The following HHAT variants were observed in gnomAD, a reference collection of about 807,000 sequenced individuals.
The protein encoded by HHAT is protein-cysteine N-palmitoyltransferase HHAT.
HHAT carries 47 observed loss-of-function variants against 70.8 expected under a neutral mutation model. The observed-to-expected ratio is 0.66, with a 90% confidence interval of 0.53 to 0.85. The LOEUF (loss-of-function observed/expected upper bound fraction) is 0.85, where lower values mean the gene tolerates loss of function less well. Among genes scored for constraint, HHAT ranks in the 40% least tolerant of loss-of-function variants. The pLI is 0.00. For synonymous variants in HHAT, 228 were observed against 247.6 expected, an observed-to-expected ratio of 0.92 and a Z score of 0.74; for missense variants, 609 against 604.8, an observed-to-expected ratio of 1.01 and a Z score of -0.07.
intron 9 of HHAT, among the ~76,000 whole-genome samples, chr1:210,544,015 C>A (rs1403151598): frequency 6.6e-6 from 1 of 152,212 alleles, no homozygotes; most frequent in Non-Finnish European, 1.5e-5. Context: ...TTGCAGGTGG[C>A]CTGTGAGCTG....
chr1:210,609,922 G>A (rs185414104), intron 10 of HHAT, among the ~76,000 whole-genome samples: 16 of 152,188 alleles, frequency 1.1e-4, no homozygotes, highest in South Asian at 4.1e-4. Context: ...ATTGATGGGC[G>A]TTTAGATTGA....
chr1:210,544,367 G>GTTTTTTTTTTTTTTTTTTTTTTTTTTT (rs569514246), intron 9 of HHAT, among the ~76,000 whole-genome samples: 4 of 90,066 alleles, frequency 4.4e-5, no homozygotes, highest in Non-Finnish European at 6.4e-5. Context: ...TCTTTCTTTC[G>GTTTTTTTTTTTTTTTTTTTTTTTTTTT]TTTTTTTTTT....
intron 4 of HHAT, among the ~76,000 whole-genome samples, chr1:210,391,371 G>T (rs1045996669): frequency 6.6e-6 from 1 of 151,628 alleles, no homozygotes; most frequent in South Asian, 2.1e-4. Flanking sequence ...CACAGACAGA[G>T]ATTTTTTTAT....
At chr1:210,643,928 C>CCT (rs1673487524) in intron 11 of HHAT, among the ~76,000 whole-genome samples, 1 of 151,108 alleles carries the variant, frequency 6.6e-6, no homozygotes, top group African/African-American at 2.4e-5. Context: ...GGAGAAATTT[C>CCT]TTTTTTTTTC....
intron 9 of HHAT, among the ~76,000 whole-genome samples, chr1:210,530,883 A>C (rs2095307796): frequency 6.6e-6 from 1 of 152,228 alleles, no homozygotes; most frequent in Non-Finnish European, 1.5e-5. Context: ...TAAGAAAAAA[A>C]AAATGCATAT....
At chr1:210,638,684 G>A (rs577183279) in intron 11 of HHAT, among the ~76,000 whole-genome samples, 27 of 133,272 alleles carry the variant, frequency 2.0e-4, no homozygotes, top group Admixed American at 2.0e-3. Context: ...CCAGGATTTC[G>A]AGACCAGCTT....
intron 3 of HHAT, among the ~76,000 whole-genome samples, chr1:210,371,569 A>G (rs1036826523): frequency 2.0e-5 from 3 of 152,206 alleles, no homozygotes; most frequent in African/African-American, 4.8e-5. Flanking sequence ...GGAAGGGGAA[A>G]AACTGTATAA....
intron 9 of HHAT, among the ~76,000 whole-genome samples, chr1:210,542,496 A>AAATATAT (rs56743887): frequency 3.3e-4 from 49 of 149,510 alleles, no homozygotes; most frequent in South Asian, 2.8e-3. Flanking sequence ...TTAAAAAAAA[A>AAATATAT]ATATATATAT....
intron 10 of HHAT, chr1:210,590,420 G>A (rs1340183781): frequency 5.3e-5 from 8 of 151,888 alleles, no homozygotes; most frequent in Non-Finnish European, 1.2e-4. Flanking sequence ...AATAGGATGT[G>A]TGTGTATTTT....
At chr1:210,375,770 T>C (rs2090146748) in intron 3 of HHAT, among the ~76,000 whole-genome samples, 1 of 151,960 alleles carries the variant, frequency 6.6e-6, no homozygotes, top group African/African-American at 2.4e-5. Context: ...TGTTCTTATA[T>C]CAAGGGTCTC....
chr1:210,569,340 C>T (rs938286216), intron 9 of HHAT, among the ~76,000 whole-genome samples: 7 of 127,578 alleles, frequency 5.5e-5, no homozygotes, highest in Non-Finnish European at 9.4e-5. Flanking sequence ...TGCCACTGCA[C>T]TCCAGCTCGG....
intron 10 of HHAT, among the ~76,000 whole-genome samples, chr1:210,601,544 A>G (rs968312229): frequency 6.6e-6 from 1 of 152,166 alleles, no homozygotes; most frequent in African/African-American, 2.4e-5. Context: ...ACTTAGGCAT[A>G]GTCAACGTGG....
intron 1 of HHAT, among the ~76,000 whole-genome samples, chr1:210,330,582 C>G (rs1164927009): frequency 6.6e-6 from 1 of 152,074 alleles, no homozygotes; most frequent in Non-Finnish European, 1.5e-5. Context: ...AGGGAGCAGC[C>G]GTTTTTGTGG....
At chr1:210,644,225 G>A (rs974461841) in intron 11 of HHAT, among the ~76,000 whole-genome samples, 2 of 152,338 alleles carry the variant, frequency 1.3e-5, no homozygotes, top group East Asian at 1.9e-4. Flanking sequence ...CATTTCAAGA[G>A]TTCAGCATTT....
chr1:210,496,798 A>G (rs1300031105), intron 8 of HHAT, among the ~76,000 whole-genome samples: 1 of 152,214 alleles, frequency 6.6e-6, no homozygotes, highest in Non-Finnish European at 1.5e-5. Flanking sequence ...GTGAAGCAAG[A>G]TAATGGAAGT....
intron 1 of HHAT, among the ~76,000 whole-genome samples, chr1:210,343,158 T>C (rs192156319): frequency 7.2e-4 from 110 of 152,200 alleles, no homozygotes; most frequent in African/African-American, 2.5e-3. Context: ...TTCTTGTGAT[T>C]AGGCAAATCT....
At chr1:210,635,926 G>C (rs1420157631) in intron 11 of HHAT, among the ~76,000 whole-genome samples, 3 of 82,814 alleles carry the variant, frequency 3.6e-5, no homozygotes, top group Non-Finnish European at 6.1e-5. Flanking sequence ...CGTTCTGGAA[G>C]GGGGGTGCCT....
At chr1:210,526,329 G>A (rs986742777) in intron 9 of HHAT, among the ~76,000 whole-genome samples, 6 of 146,248 alleles carry the variant, frequency 4.1e-5, no homozygotes, top group Non-Finnish European at 9.0e-5. Context: ...TGTGCAAACT[G>A]CCTAACCTTC....
intron 9 of HHAT, among the ~76,000 whole-genome samples, chr1:210,546,352 C>A (rs1218374057): frequency 6.6e-6 from 1 of 152,210 alleles, no homozygotes; most frequent in African/African-American, 2.4e-5. Context: ...AGCCATGAAA[C>A]ATTTCAGGGA....
Sources: allele counts gnomAD v4.1 joint callset (sites outside exome capture counted in the v4.1 genomes callset), GRCh38; gene constraint gnomAD v4.1.1; transcripts MANE v1.5; gene names NCBI Gene and HGNC (gene_info 2026-07-23, HGNC 2026-07-21).